Variants in ANKEF1 observed in about 807,000 individuals in gnomAD.
The protein encoded by ANKEF1 is ankyrin repeat and EF-hand domain-containing protein 1.
ANKEF1 carries 43 observed loss-of-function variants against 65.1 expected under a neutral mutation model. The ratio of observed to expected loss-of-function variants is 0.66; its 90% CI spans 0.52 to 0.85. The LOEUF is 0.85. ANKEF1 is among the 40% of genes least tolerant of loss of function. The pLI is 0.00. For missense variants in ANKEF1, 934 were observed against 952.9 expected (o/e 0.98, Z 0.26); for synonymous variants, 316 against 341.5 (o/e 0.93, Z 0.82).
At chr20:10,039,073 G>A (rs1166049336) in intron 3 of ANKEF1, among the ~76,000 whole-genome samples, 2 of 152,212 alleles carry the variant, frequency 1.3e-5, no homozygotes, top group Non-Finnish European at 2.9e-5. Context: ...ATAGCAGTCT[G>A]ATGTAGGAAG....
At chr20:10,041,894 T>C (rs1984214293) in intron 3 of ANKEF1, among the ~76,000 whole-genome samples, 1 of 152,232 alleles carries the variant, frequency 6.6e-6, no homozygotes, top group Non-Finnish European at 1.5e-5. Context: ...ACTATACATG[T>C]CTGTTGTTTT....
At position 10,058,163 on chromosome 20, in the gene ANKEF1, C is replaced by T. The variant is rs1292502520; in HGVS notation, c.*2503C>T. 6.6e-6 allele frequency: 1 copy of T among 152,152 alleles called. No individual in the cohort carries two copies. The highest frequency in any genetic ancestry group is 1.5e-5 in the Non-Finnish European group (1 of 68,018). The allele number at this position is 152,152 out of a possible 1,614,324, so 9.4% of individuals were successfully genotyped here. ...GTAAAGCTGCAGTAATAAATCATAA[C>T]TGCATAAAATTAACTGTAGTACATA... On this transcript the variant is annotated 3_prime_UTR_variant, in exon 11 of 11. Coordinates refer to ENST00000378392, the MANE Select transcript of ANKEF1 (RefSeq NM_022096.6).
At chr20:10,052,511 T>C (rs1984922610) in intron 8 of ANKEF1, among the ~76,000 whole-genome samples, 1 of 152,174 alleles carries the variant, frequency 6.6e-6, no homozygotes, top group South Asian at 2.1e-4. Flanking sequence ...TTGAATATAT[T>C]TGAGCTCCTT....
Position 10,050,063 on chromosome 20 carries a change from T to G in ANKEF1, c.1494T>G (p.Ile498Met). 6.2e-7 allele frequency: 1 copy of G among 1,614,162 alleles called. No individual in the cohort carries two copies. Residue 498 changes from isoleucine (I) to methionine (M), a missense_variant, in exon 7 of 11, where the codon ATT becomes ATG. Ile to Met is a conservative substitution (Grantham distance 10). Coordinates refer to ENST00000378392, the MANE Select transcript of ANKEF1 (RefSeq NM_022096.6). ...AGAAGGTATTTTCAAACATTAATATTATCACCAAAGCAGGGGATCTGGCTT... is the reference window on the plus strand; with the variant it reads ...AGAAGGTATTTTCAAACATTAATATGATCACCAAAGCAGGGGATCTGGCTT... ...DSEKVFSNIN[I>M]ITKAGDLASL...
At position 10,035,113 on chromosome 20, in the gene ANKEF1, T is replaced by C. The variant is rs12106014; in HGVS notation, c.-329T>C. On this transcript the variant is annotated 5_prime_UTR_variant, in exon 1 of 11. Transcript: ENST00000378392. ...CGGGGACCCGGGGCCCATGGACACA[T>C]ACACCCAGCCCTGCTGTCCCGCGCG... 0.59 allele frequency: 90,737 copies of C among 153,734 alleles called. 28,098 individuals carry two copies. Among genetic ancestry groups the C allele is most frequent in the African/African-American group, 0.79 (32,646 of 41,550 alleles). The allele number at this position is 153,734 out of a possible 1,614,324, so 9.5% of individuals were successfully genotyped here. A position where few individuals can be genotyped will look rare whatever the true frequency, so the allele number is the denominator to read the frequency against.
At chr20:10,040,582 C>T (rs915448410) in intron 3 of ANKEF1, 22 of 152,170 alleles carry the variant, frequency 1.4e-4, no homozygotes, top group Non-Finnish European at 1.5e-5. Context: ...ATAATAGTTC[C>T]TTATAGCACC....
At chr20:10,048,915 A>G (rs1984671257) in intron 6 of ANKEF1, among the ~76,000 whole-genome samples, 1 of 152,222 alleles carries the variant, frequency 6.6e-6, no homozygotes, top group African/African-American at 2.4e-5. Context: ...TACGGAAAAA[A>G]TATACTTAAA....
At position 10,050,087 on chromosome 20, in the gene ANKEF1, T is replaced by G; in HGVS notation, c.1518T>G (p.Ala506=). The G allele has an allele frequency of 6.2e-7, 1 of 1,614,180 alleles. No individual in the cohort carries two copies. Among genetic ancestry groups the G allele is most frequent in the South Asian group, 1.1e-5 (1 of 91,084 alleles). The change falls in exon 7 of 11, where the codon GCT becomes GCG. Residue 506 remains alanine (A), a synonymous_variant. Coordinates refer to ENST00000378392, the MANE Select transcript of ANKEF1 (RefSeq NM_022096.6). ...TTATCACCAAAGCAGGGGATCTGGCTTCTCTGAAAAAGGCCTTTGAATCAG... is the reference window on the plus strand; with the variant it reads ...TTATCACCAAAGCAGGGGATCTGGCGTCTCTGAAAAAGGCCTTTGAATCAG... The part of the protein sequence containing the change: ...INIITKAGDL[A]SLKKAFESGI...
In ANKEF1 at chr20:10,038,425, T is replaced by G. The variant is rs763850839; in HGVS notation, c.124T>G (p.Tyr42Asp). 3 of 1,614,046 alleles carry G rather than the reference T, an allele frequency of 1.9e-6. No individual in the cohort carries two copies. The East Asian group carries it at 6.7e-5, about 36-fold the overall frequency. ...GCTTGGATACCCTGAACTAATCAAT[T>G]ATACAGAACCCATTAATGGACTTAG... ...TKLGYPELIN[Y>D]TEPINGLSAL... is the part of the protein sequence containing the mutation. Residue 42 changes from tyrosine (Y) to aspartate (D), a missense_variant, in exon 3 of 11, where the codon TAT (tyrosine) becomes GAT (aspartate). Coordinates refer to ENST00000378392, the MANE Select transcript of ANKEF1 (RefSeq NM_022096.6).
At chr20:10,036,396 C>T (rs969547642) in intron 2 of ANKEF1, among the ~76,000 whole-genome samples, 16 of 151,708 alleles carry the variant, frequency 1.1e-4, no homozygotes, top group African/African-American at 2.2e-4. Context: ...ATGATGACAC[C>T]GCACCTAATC....
intron 6 of ANKEF1, among the ~76,000 whole-genome samples, chr20:10,047,181 A>G (rs1984565626): frequency 6.6e-6 from 1 of 152,254 alleles, no homozygotes; most frequent in Admixed American, 6.5e-5. Context: ...AGTCACAGAA[A>G]GCACATTGAG....
At chr20:10,053,017 G>C (rs1984952804) in intron 8 of ANKEF1, 95 bp from the exon 9 acceptor site, 7 of 1,274,696 alleles carry the variant, frequency 5.5e-6, no homozygotes, top group Non-Finnish European at 7.5e-6. Context: ...CCCTTATTAG[G>C]GCAGGCTTAG....
At chr20:10,053,841 G>A (rs367767724) in intron 9 of ANKEF1, among the ~76,000 whole-genome samples, 3 of 152,110 alleles carry the variant, frequency 2.0e-5, no homozygotes, top group East Asian at 1.9e-4. Context: ...CTGGTAATCC[G>A]GAGTGATTTG....
chr20:10,050,484 A>T lies in ANKEF1; in HGVS notation c.1643+272A>T, dbSNP rs549424834. 2.4e-3 allele frequency among the ~76,000 whole-genome samples: 369 copies of T among 152,352 alleles called. 2 individuals are homozygous for T. The highest frequency in any genetic ancestry group is 8.4e-3 in the African/African-American group (349 of 41,590). ...ATAAAAGTATGTGTTCATATTACTG[A>T]TGGCTAGGGTTAGAAAAGGAGAATT... On this transcript the variant is annotated intron_variant, in intron 7 of 10. Transcript: ENST00000378392.
Position 10,056,593 on chromosome 20 carries a change from TA to T in ANKEF1, c.*936del, listed in dbSNP as rs1985184543. The T allele has an allele frequency of 6.6e-6, 1 of 152,086 alleles. No individual in the cohort carries two copies. Among genetic ancestry groups the T allele is most frequent in the African/African-American group, 2.4e-5 (1 of 41,414 alleles). 9.4% of individuals were successfully genotyped at this position (152,086 alleles called of 1,614,324 possible). On this transcript the variant is annotated 3_prime_UTR_variant, in exon 11 of 11. Coordinates refer to ENST00000378392, the MANE Select transcript of ANKEF1 (RefSeq NM_022096.6). ...TTTTGGGCCCCAGATGGTTAAGTGC[TA>T]AATTTGTAGGGTAGGCTATCAGGAA... is the stretch of plus-strand genomic sequence containing the variant.
intron 6 of ANKEF1, 68 bp from the exon 7 acceptor site, chr20:10,049,322 A>G: frequency 7.2e-7 from 1 of 1,386,302 alleles, no homozygotes; most frequent in Non-Finnish European, 9.9e-7. Context: ...AAACAGTTGG[A>G]TGAGTGTCAC....
Position 10,050,020 on chromosome 20 carries a change from GGTACA to G in ANKEF1, c.1452_1456del (p.Trp484CysfsTer2), listed in dbSNP as rs747146020. The G allele has an allele frequency of 1.2e-5, 19 of 1,614,082 alleles. No homozygotes were observed. Among genetic ancestry groups the G allele is most frequent in the Admixed American group, 1.7e-5 (1 of 60,004 alleles). On this transcript the variant is annotated frameshift_variant, in exon 7 of 11. Transcript: ENST00000378392. LOFTEE classifies it high-confidence loss of function. ...CATCCCATTCAGGATGACTCTGTTT[GGTACA>G]TTGATGATTCAGAGAAGGTATTTTC...
chr20:10,050,428 A>G (rs898771683), intron 7 of ANKEF1, among the ~76,000 whole-genome samples: 1 of 152,236 alleles, frequency 6.6e-6, no homozygotes, highest in Admixed American at 6.5e-5. Context: ...CTGATTTATT[A>G]CAGGCTTTAT....
intron 7 of ANKEF1, among the ~76,000 whole-genome samples, 164 bp from the exon 8 acceptor site, chr20:10,051,499 A>C (rs1041017413): frequency 4.6e-5 from 7 of 152,254 alleles, no homozygotes; most frequent in Non-Finnish European, 7.3e-5. Context: ...AAAGAAAGTT[A>C]AGACTGTCAA....
Sources: allele counts gnomAD v4.1 joint callset (sites outside exome capture counted in the v4.1 genomes callset), GRCh38; gene constraint gnomAD v4.1.1; transcripts MANE v1.5; gene names NCBI Gene and HGNC (gene_info 2026-07-23, HGNC 2026-07-21).